The following LARP1 variants were observed in gnomAD, a reference collection of about 807,000 sequenced individuals.
LARP1 encodes La ribonucleoprotein 1, translational regulator.
LARP1 carries 36 observed loss-of-function variants against 122.7 expected under a neutral mutation model. That is an observed-to-expected ratio of 0.29 (90% CI 0.22 to 0.39). The LOEUF (loss-of-function observed/expected upper bound fraction) is 0.39. Among genes scored for constraint, LARP1 ranks in the 10% least tolerant of loss-of-function variants. LARP1 has a pLI of 1.00. For synonymous variants in LARP1, 539 were observed against 528.7 expected (o/e 1.02, Z -0.27); for missense variants, 1,040 against 1,403.6 (o/e 0.74, Z 4.14).
rs200806332 is a variant in LARP1, at chr5:154,811,633, G to A, written c.3074G>A (p.Arg1025Gln). Residue 1025 changes from arginine to glutamine, a missense_variant, in exon 18 of 19, where the codon CGA becomes CAA. By Grantham distance (43) the Arg-to-Gln change is conservative. This residue lies in a region of LARP1 where 129 missense variants were observed against 160.8 expected (regional missense o/e 0.80). Coordinates refer to ENST00000518297, the MANE Select transcript of LARP1 (RefSeq NM_033551.3). The part of the protein sequence containing the change: ...LGKFRRLEDF[R>Q]VDPPMGEEGN... ...AAATTCCGACGTCTTGAAGACTTCCGAGTAGATGTAAGTGAAACTCTTTCT... is the reference window on the plus strand; with the variant it reads ...AAATTCCGACGTCTTGAAGACTTCCAAGTAGATGTAAGTGAAACTCTTTCT... The A allele has an allele frequency of 1.9e-6, 3 of 1,614,104 alleles. No homozygotes were observed. Among genetic ancestry groups the A allele is most frequent in the African/African-American group, 1.3e-5 (1 of 75,038 alleles).
chr5:154,685,934 C>T (rs929018893), intron 1 of LARP1: 9 of 481,772 alleles, frequency 1.9e-5, no homozygotes, highest in Middle Eastern at 3.3e-4. Context: ...CCTCGTGATT[C>T]GGTTAATCCT....
intron 1 of LARP1, among the ~76,000 whole-genome samples, chr5:154,731,944 C>T (rs1030679554): frequency 1.3e-5 from 2 of 151,714 alleles, no homozygotes; most frequent in African/African-American, 4.8e-5. Context: ...ATTGCTTGAA[C>T]CCAGCAGGCA....
chr5:154,761,575 A>G (rs1754450270), intron 1 of LARP1, among the ~76,000 whole-genome samples: 1 of 152,160 alleles, frequency 6.6e-6, no homozygotes, highest in Non-Finnish European at 1.5e-5. Context: ...AAAGGGAGTA[A>G]TTAGGGTGTT....
chr5:154,811,164 T>G (rs1759242423), intron 16 of LARP1, 83 bp from the exon 17 acceptor site: 2 of 996,204 alleles, frequency 2.0e-6, no homozygotes, highest in Middle Eastern at 2.1e-4. Flanking sequence ...TTAAACTGTT[T>G]CATAGTTCCT....
Position 154,814,218 on chromosome 5 carries a change from C to T in LARP1, c.*122C>T. On this transcript the variant is annotated 3_prime_UTR_variant, in exon 19 of 19. Transcript: ENST00000518297. ...CAGGCCTGGAGTTACTAGGACAGGC[C>T]TTTGTGCTGAGTAGCAATGTATACA... 9.9e-7 allele frequency: 1 copy of T among 1,013,246 alleles called. No homozygotes were observed. The highest frequency in any genetic ancestry group is 1.5e-6 in the Non-Finnish European group (1 of 678,114). The allele number at this position is 1,013,246 out of a possible 1,614,324, so 62.8% of individuals were successfully genotyped here. A position where few individuals can be genotyped will look rare whatever the true frequency, so the allele number is the denominator to read the frequency against.
intron 1 of LARP1, among the ~76,000 whole-genome samples, chr5:154,694,777 T>C (rs1161915932): frequency 2.0e-5 from 3 of 152,206 alleles, no homozygotes; most frequent in Non-Finnish European, 4.4e-5. Context: ...TATAGTGAGA[T>C]GGAGAAAACA....
At chr5:154,795,956 A>G (rs1211537265) in intron 8 of LARP1, among the ~76,000 whole-genome samples, 2 of 119,060 alleles carry the variant, frequency 1.7e-5, no homozygotes, top group African/African-American at 3.3e-5. Context: ...TATATTATAT[A>G]TATTTTTATA....
chr5:154,697,611 A>T (rs1300139831), intron 1 of LARP1, among the ~76,000 whole-genome samples: 1 of 152,202 alleles, frequency 6.6e-6, no homozygotes, highest in Non-Finnish European at 1.5e-5. Flanking sequence ...TATATGCTAT[A>T]ACGTCGATGA....
chr5:154,772,998 T>A (rs1755570527), intron 1 of LARP1, among the ~76,000 whole-genome samples: 1 of 150,840 alleles, frequency 6.6e-6, no homozygotes. Flanking sequence ...TTTTTTTTTT[T>A]TTTTTAAAAG....
chr5:154,756,449 G>C, intron 1 of LARP1: 1 of 990,442 alleles, frequency 1.0e-6, no homozygotes. Flanking sequence ...GTGGGCAACG[G>C]TGTGGTTCGG....
chr5:154,768,622 C>A (rs762761940), intron 1 of LARP1, among the ~76,000 whole-genome samples: 3 of 152,102 alleles, frequency 2.0e-5, no homozygotes, highest in Admixed American at 6.6e-5. Flanking sequence ...CACTCTGTTG[C>A]CCAAGCTGGA....
rs1444233757 is a variant in LARP1, at chr5:154,810,612, C to T, written c.2844-635C>T. 5.9e-5 allele frequency among the ~76,000 whole-genome samples: 9 copies of T among 151,812 alleles called. No individual in the cohort carries two copies. The East Asian group carries it at 9.8e-4, about 16-fold the overall frequency. ...AAGCGATTCTTCTGCCTCAGCCTCC[C>T]GAGTAGCTGAGATTACAGGCACCCA... On this transcript the variant is annotated intron_variant, in intron 16 of 18. Transcript: ENST00000518297.
intron 1 of LARP1, among the ~76,000 whole-genome samples, chr5:154,685,532 A>C (rs1212898564): frequency 1.3e-5 from 2 of 152,192 alleles, no homozygotes; most frequent in African/African-American, 4.8e-5. Flanking sequence ...TTAGCGTAGA[A>C]AGTGGGGAGC....
chr5:154,711,478 G>A (rs143909302), upstream of LARP1, among the ~76,000 whole-genome samples: 66 of 152,200 alleles, frequency 4.3e-4, no homozygotes, highest in Non-Finnish European at 8.1e-4. Flanking sequence ...CTGCTGTCTG[G>A]GAGTTTACAT....
At chr5:154,756,574 C>G in intron 1 of LARP1, 1 of 877,990 alleles carries the variant, frequency 1.1e-6, no homozygotes. Context: ...CTCTTCCCAC[C>G]CCGCCCGGCG....
chr5:154,806,674 C>T (rs1020511377), intron 15 of LARP1, among the ~76,000 whole-genome samples: 7 of 152,178 alleles, frequency 4.6e-5, no homozygotes, highest in African/African-American at 1.2e-4. Context: ...GCTGTAAAGA[C>T]GCGCAAAACC....
upstream of LARP1, among the ~76,000 whole-genome samples, chr5:154,754,133 C>T (rs1304672735): frequency 2.6e-5 from 4 of 152,314 alleles, no homozygotes; most frequent in East Asian, 3.9e-4. Flanking sequence ...ACAAAAGTAG[C>T]CCATCTAGTC....
upstream of LARP1, among the ~76,000 whole-genome samples, chr5:154,712,204 G>A (rs1057436103): frequency 1.3e-5 from 2 of 152,136 alleles, no homozygotes; most frequent in African/African-American, 4.8e-5. Context: ...AATCTCCAAA[G>A]TCTCTTTCAG....
At chr5:154,762,370 G>T (rs1754531191) in intron 1 of LARP1, among the ~76,000 whole-genome samples, 1 of 152,130 alleles carries the variant, frequency 6.6e-6, no homozygotes, top group Admixed American at 6.5e-5. Flanking sequence ...GTTTATCTGT[G>T]CCTTTCCGGA....
Sources: allele counts gnomAD v4.1 joint callset (sites outside exome capture counted in the v4.1 genomes callset), GRCh38; gene constraint gnomAD v4.1.1; regional missense constraint gnomAD v4.1.1; transcripts MANE v1.5; gene names NCBI Gene and HGNC (gene_info 2026-07-23, HGNC 2026-07-21).